Variants in MRTFB observed in about 807,000 individuals in gnomAD.
MRTFB encodes myocardin related transcription factor B, also known as myocardin-related transcription factor B.
Under a neutral mutation model 104.2 loss-of-function variants are expected in MRTFB, and 29 were observed. The ratio of observed to expected loss-of-function variants is 0.28; its 90% CI spans 0.21 to 0.38. MRTFB has a LOEUF of 0.38. Among genes scored for constraint, MRTFB ranks in the 10% least tolerant of loss-of-function variants. The pLI is 1.00. For missense variants in MRTFB, 1,270 were observed against 1,341.6 expected (o/e 0.95, Z 0.83); for synonymous variants, 535 against 519.5 (o/e 1.03, Z -0.41).
At chr16:14,248,744 TCC>T in intron 12 of MRTFB, 180 bp from the exon 13 acceptor site, 1 of 581,536 alleles carries the variant, frequency 1.7e-6, no homozygotes, top group Non-Finnish European at 2.9e-6. Context: ...GTCTGATGTT[TCC>T]CTCTCTGGTT....
In MRTFB at chr16:14,240,162, C is replaced by A. The variant is rs1206761366; in HGVS notation, c.832-75C>A. The A allele has an allele frequency of 2.7e-6, 4 of 1,471,102 alleles. No homozygotes were observed. In the South Asian group the frequency reaches 4.2e-5, roughly 16 times the overall value. The allele number at this position is 1,471,102 out of a possible 1,614,324, so 91.1% of individuals were successfully genotyped here. The stretch of plus-strand genomic sequence containing the variant: ...GGTACATTTCTTTTTAATTTCAAAT[C>A]ATTTAGTCACGCAGTACAAAAGATT... On this transcript the variant is annotated intron_variant, in intron 9 of 16. Transcript: ENST00000571589.
At chr16:14,051,617 A>T in the MRTFB span, among the ~76,000 whole-genome samples, 58 of 151,990 alleles carry the variant, frequency 3.8e-4, no homozygotes, top group Non-Finnish European at 6.9e-4. Context: ...ACACATTCAC[A>T]CACATAGATA....
chr16:14,204,554 G>T (rs947271062), intron 3 of MRTFB, among the ~76,000 whole-genome samples: 1 of 152,090 alleles, frequency 6.6e-6, no homozygotes. Context: ...TAAAAGTAGA[G>T]CAAATTCAAA....
chr16:14,227,621 C>T (rs931665485), intron 8 of MRTFB, among the ~76,000 whole-genome samples: 2 of 152,152 alleles, frequency 1.3e-5, no homozygotes, highest in Admixed American at 1.3e-4. Flanking sequence ...AAGGGATTCT[C>T]CTGCCTCAGC....
chr16:14,108,808 G>A (rs1422422272), intron 2 of MRTFB, among the ~76,000 whole-genome samples: 2 of 152,176 alleles, frequency 1.3e-5, no homozygotes, highest in East Asian at 3.8e-4. Context: ...ATTTCATGAT[G>A]ATAGCAGCAA....
chr16:14,238,860 A>G (rs991499410), intron 9 of MRTFB, among the ~76,000 whole-genome samples: 1 of 152,256 alleles, frequency 6.6e-6, no homozygotes, highest in African/African-American at 2.4e-5. Context: ...GTTTAAAAAT[A>G]GGCTCCTAGT....
chr16:14,215,560 T>C (rs1031676957), intron 6 of MRTFB, among the ~76,000 whole-genome samples: 5 of 152,240 alleles, frequency 3.3e-5, no homozygotes, highest in Non-Finnish European at 5.9e-5. Flanking sequence ...ACTTCGGTGA[T>C]GGTAATGTAA....
intron 2 of MRTFB, among the ~76,000 whole-genome samples, chr16:14,086,165 CCTTTGAGAAGAATGTATAATAAAT>C (rs1400042915): frequency 2.0e-5 from 3 of 152,134 alleles, no homozygotes; most frequent in Non-Finnish European, 4.4e-5. Context: ...TGATTGCCAG[CCTTTGAGAAGAATGTATAATAAAT>C]CTTTGTCCAG....
At chr16:14,043,519 G>T in the MRTFB span, among the ~76,000 whole-genome samples, 1 of 151,956 alleles carries the variant, frequency 6.6e-6, no homozygotes, top group Admixed American at 6.6e-5. Context: ...TCCTACCCAC[G>T]CACCAAGCCA....
At chr16:14,132,232 A>G (rs992795741) in intron 2 of MRTFB, among the ~76,000 whole-genome samples, 1 of 152,202 alleles carries the variant, frequency 6.6e-6, no homozygotes, top group African/African-American at 2.4e-5. Context: ...AGACAAATCC[A>G]TAGAGACAGA....
intron 7 of MRTFB, among the ~76,000 whole-genome samples, chr16:14,218,260 C>T (rs184731919): frequency 1.1e-4 from 16 of 152,148 alleles, no homozygotes; most frequent in African/African-American, 3.4e-4. Flanking sequence ...GGGGTTTCAC[C>T]GCGCTAGCCA....
chr16:14,231,041 C>T (rs1476574682), intron 8 of MRTFB, among the ~76,000 whole-genome samples: 2 of 151,250 alleles, frequency 1.3e-5, no homozygotes, highest in African/African-American at 4.9e-5. Flanking sequence ...GAACAAAAAA[C>T]CAAACACCAC....
the MRTFB span, among the ~76,000 whole-genome samples, chr16:14,033,164 CCA>C: frequency 6.6e-6 from 1 of 151,954 alleles, no homozygotes; most frequent in Non-Finnish European, 1.5e-5. Context: ...ACTTCGGGAG[CCA>C]AGGTGGGAGC....
intron 3 of MRTFB, among the ~76,000 whole-genome samples, chr16:14,182,263 T>C (rs1231958120): frequency 6.6e-6 from 1 of 151,992 alleles, no homozygotes; most frequent in South Asian, 2.1e-4. Context: ...GGCAGGCCAG[T>C]GTAGAGTGAA....
chr16:14,201,362 A>G (rs2040695896), intron 3 of MRTFB, among the ~76,000 whole-genome samples: 2 of 152,154 alleles, frequency 1.3e-5, no homozygotes, highest in Non-Finnish European at 1.5e-5. Context: ...TCAAAGCTCT[A>G]TATGTTTACA....
At chr16:14,245,843 T>C (rs182337123) in intron 11 of MRTFB, among the ~76,000 whole-genome samples, 183 bp downstream of exon 11, 4 of 152,364 alleles carry the variant, frequency 2.6e-5, no homozygotes, top group Non-Finnish European at 5.9e-5. Context: ...AAACAACCAA[T>C]AACTGTCATT....
At chr16:14,139,106 C>A (rs1271698615) in intron 2 of MRTFB, among the ~76,000 whole-genome samples, 1 of 152,048 alleles carries the variant, frequency 6.6e-6, no homozygotes, top group African/African-American at 2.4e-5. Context: ...AAATACTCTC[C>A]ATAAAACACT....
intron 3 of MRTFB, among the ~76,000 whole-genome samples, chr16:14,202,721 T>A (rs2040763054): frequency 6.6e-6 from 1 of 152,246 alleles, no homozygotes; most frequent in Admixed American, 6.5e-5. Context: ...ATCAGTCTTT[T>A]GCCCTTTCAG....
chr16:14,127,768 G>A (rs1234733061), intron 2 of MRTFB, among the ~76,000 whole-genome samples: 1 of 150,760 alleles, frequency 6.6e-6, no homozygotes, highest in Non-Finnish European at 1.5e-5. Context: ...TCTTTCTCCA[G>A]GGTGTCATTT....
Sources: gnomAD v4.1 joint callset for allele counts (sites outside exome capture counted in the v4.1 genomes callset) on GRCh38, gnomAD v4.1.1 for gene constraint, MANE v1.5 for transcripts, NCBI Gene and HGNC (gene_info 2026-07-23, HGNC 2026-07-21) for gene names.